TSPAN9: variants seen among roughly 807,000 people sequenced by gnomAD.
TSPAN9 encodes the protein tetraspanin-9.
In TSPAN9, 16 loss-of-function variants were observed where a neutral mutation model predicts 31.0. The observed-to-expected ratio is 0.52, with a 90% CI of 0.35 to 0.78. The LOEUF (loss-of-function observed/expected upper bound fraction) is 0.78, where lower values mean the gene tolerates loss of function less well. Ranked by LOEUF, TSPAN9 falls within the 30% of genes least tolerant of loss-of-function variation. The pLI is 0.01. For synonymous variants in TSPAN9, 145 were observed against 121.6 expected, an observed-to-expected ratio of 1.19 and a Z score of -1.27; for missense variants, 272 against 312.5, an observed-to-expected ratio of 0.87 and a Z score of 0.98.
chr12:3,121,056 T>C (rs1332264287), intron 2 of TSPAN9, among the ~76,000 whole-genome samples: 3 of 152,342 alleles, frequency 2.0e-5, no homozygotes, highest in South Asian at 2.1e-4. Flanking sequence ...GAGTTTCATC[T>C]TGTGGAATGA....
intron 3 of TSPAN9, among the ~76,000 whole-genome samples, chr12:3,241,333 C>T (rs61907354): frequency 0.059 from 8,986 of 152,078 alleles, 358 homozygotes; most frequent in Non-Finnish European, 0.077. Flanking sequence ...CACACTGTGG[C>T]GTGGCATTTA....
intron 2 of TSPAN9, among the ~76,000 whole-genome samples, chr12:3,163,234 G>C (rs2098346385): frequency 6.6e-6 from 1 of 152,212 alleles, no homozygotes; most frequent in Admixed American, 6.5e-5. Flanking sequence ...CTCTCTGGCT[G>C]TTTTCAGAAG....
At chr12:3,169,102 A>G (rs942743546) in intron 2 of TSPAN9, among the ~76,000 whole-genome samples, 2 of 152,218 alleles carry the variant, frequency 1.3e-5, no homozygotes, top group African/African-American at 4.8e-5. Context: ...CCCGCCTGTG[A>G]GTTCTCAGGG....
At chr12:3,100,954 TGGTTACTA>T (rs2098311608) in intron 2 of TSPAN9, among the ~76,000 whole-genome samples, 1 of 152,170 alleles carries the variant, frequency 6.6e-6, no homozygotes. Flanking sequence ...CCATGCTTCA[TGGTTACTA>T]AGAAGAACAG....
In TSPAN9 at chr12:3,204,287, G is replaced by A. The variant is rs566699105; in HGVS notation, c.63+3031G>A. ...ACCACCCCGCCCCGTGCCTCTGAGCGCTTGGGAGGATTCCCATGTGGAAGA... is the reference window on the plus strand; with the variant it reads ...ACCACCCCGCCCCGTGCCTCTGAGCACTTGGGAGGATTCCCATGTGGAAGA... On this transcript the variant is annotated intron_variant, in intron 3 of 8. Transcript: ENST00000011898. 3.9e-5 allele frequency among the ~76,000 whole-genome samples: 6 copies of A among 152,354 alleles called. No homozygotes were observed. In the South Asian group the frequency reaches 1.0e-3, roughly 26 times the overall value.
At chr12:3,092,230 C>A (rs2061009827) in intron 2 of TSPAN9, among the ~76,000 whole-genome samples, 1 of 152,188 alleles carries the variant, frequency 6.6e-6, no homozygotes, top group Non-Finnish European at 1.5e-5. Context: ...CCTTAGTTCT[C>A]TGCTCAGGTC....
intron 3 of TSPAN9, among the ~76,000 whole-genome samples, chr12:3,243,984 G>A (rs182737189): frequency 1.3e-5 from 2 of 152,350 alleles, no homozygotes; most frequent in East Asian, 1.9e-4. Flanking sequence ...TTGGCAGTCA[G>A]TCATAAGTTC....
intron 3 of TSPAN9, among the ~76,000 whole-genome samples, chr12:3,230,371 G>GAGA (rs2098390021): frequency 6.6e-6 from 1 of 152,034 alleles, no homozygotes; most frequent in African/African-American, 2.4e-5. Context: ...TCACAGCCAG[G>GAGA]CTTCCCCCTC....
chr12:3,265,161 A>G (rs139929300), intron 3 of TSPAN9, among the ~76,000 whole-genome samples: 1 of 152,314 alleles, frequency 6.6e-6, no homozygotes, highest in African/African-American at 2.4e-5. Flanking sequence ...GGAGGATCCC[A>G]TGGGCAGGTT....
chr12:3,121,054 T>C (rs2098324841), intron 2 of TSPAN9, among the ~76,000 whole-genome samples: 1 of 152,224 alleles, frequency 6.6e-6, no homozygotes, highest in African/African-American at 2.4e-5. Context: ...CTGAGTTTCA[T>C]CTTGTGGAAT....
At chr12:3,180,404 G>A (rs965092907) in intron 2 of TSPAN9, among the ~76,000 whole-genome samples, 1 of 152,030 alleles carries the variant, frequency 6.6e-6, no homozygotes, top group Non-Finnish European at 1.5e-5. Context: ...TTGAACCTGG[G>A]AGTTGAAGAG....
intron 1 of TSPAN9, among the ~76,000 whole-genome samples, chr12:3,083,344 A>T (rs1038911323): frequency 2.0e-5 from 3 of 152,222 alleles, no homozygotes; most frequent in South Asian, 2.1e-4. Context: ...TACCCCAGGG[A>T]TGACAAATAC....
rs1385969838 is a variant in TSPAN9, at chr12:3,281,929, C to A, written c.648+112C>A. On this transcript the variant is annotated intron_variant, in intron 8 of 8. Coordinates refer to ENST00000011898, the MANE Select transcript of TSPAN9 (RefSeq NM_006675.5). ...GGTACACGGCGGAGGGTCTGGAATT[C>A]ATCACAGCTATTCAAGCTTAGCAGC... 3.4e-6 allele frequency: 4 copies of A among 1,187,092 alleles called. No homozygotes were observed. In the South Asian group the frequency reaches 3.9e-5, roughly 11 times the overall value. The allele number at this position is 1,187,092 out of a possible 1,614,324, so 73.5% of individuals were successfully genotyped here.
intron 2 of TSPAN9, among the ~76,000 whole-genome samples, chr12:3,129,978 G>T (rs2098329062): frequency 6.6e-6 from 1 of 152,198 alleles, no homozygotes; most frequent in South Asian, 2.1e-4. Context: ...AGGCCCCTGG[G>T]TCTTCTTTGA....
intron 2 of TSPAN9, among the ~76,000 whole-genome samples, chr12:3,174,796 A>C (rs552536828): frequency 2.7e-5 from 4 of 149,460 alleles, no homozygotes; most frequent in Admixed American, 6.7e-5. Context: ...GTTAGCCAGG[A>C]TGGTCTCGAT....
rs1348481689 is a variant in TSPAN9 at position 3,192,952 on chromosome 12, C to T, written c.-17-8225C>T. Among the ~76,000 whole-genome samples, 1 of 152,180 alleles carries T rather than the reference C, an allele frequency of 6.6e-6. No individual in the cohort carries two copies. The highest frequency in any genetic ancestry group is 1.5e-5 in the Non-Finnish European group (1 of 68,032). On this transcript the variant is annotated intron_variant, in intron 2 of 8. Coordinates refer to ENST00000011898, the MANE Select transcript of TSPAN9 (RefSeq NM_006675.5). This position sits in a 1 kb window ranked among gnomAD's most constrained non-coding sequence, Gnocchi z 4.6. ...AGTATTGTTGGGAATGATAATAGTG[C>T]CTCCATCCATTGAACAGCTTCTGTG...
At chr12:3,133,380 A>G (rs971323742) in intron 2 of TSPAN9, among the ~76,000 whole-genome samples, 1 of 113,490 alleles carries the variant, frequency 8.8e-6, no homozygotes, top group Non-Finnish European at 1.9e-5. Flanking sequence ...AGACTCAATT[A>G]TTATATAATT....
chr12:3,089,403 TCTC>T (rs1248909216), intron 2 of TSPAN9, among the ~76,000 whole-genome samples: 1 of 148,246 alleles, frequency 6.7e-6, no homozygotes, highest in Non-Finnish European at 1.5e-5. Flanking sequence ...TTCAAGCGAT[TCTC>T]CTGCCTCAGC....
rs141143534 is a variant in TSPAN9 at position 3,104,092 on chromosome 12, C to T, written c.-18+20373C>T. On this transcript the variant is annotated intron_variant, in intron 2 of 8. Coordinates refer to ENST00000011898, the MANE Select transcript of TSPAN9 (RefSeq NM_006675.5). ...CTTGGGGTGGTGCCTCCTGGGGCAG[C>T]GGGAGTAGGAGGTGGGAGCACATGA... Among the ~76,000 whole-genome samples, 871 of 151,862 alleles carry T rather than the reference C, an allele frequency of 5.7e-3. 2 individuals are homozygous for T. Among genetic ancestry groups the T allele is most frequent in the Non-Finnish European group, 9.6e-3 (653 of 67,954 alleles).
Sources: gnomAD v4.1 joint callset for allele counts (sites outside exome capture counted in the v4.1 genomes callset) on GRCh38, gnomAD v4.1.1 for gene constraint, Gnocchi (gnomAD v3.1) non-coding constraint, MANE v1.5 for transcripts, NCBI Gene and HGNC (gene_info 2026-07-23, HGNC 2026-07-21) for gene names.